The following LRRTM3 variants were observed in gnomAD, a reference collection of about 807,000 sequenced individuals.
LRRTM3 encodes leucine-rich repeat transmembrane neuronal protein 3.
A neutral mutation model predicts 44.7 loss-of-function variants in LRRTM3; 24 were observed. The ratio of observed to expected loss-of-function variants is 0.54; its 90% CI spans 0.39 to 0.76. The LOEUF is 0.76. Among genes scored for constraint, LRRTM3 ranks in the 30% least tolerant of loss-of-function variants. The pLI, the probability that LRRTM3 is intolerant of heterozygous loss-of-function variation, is 0.00. For synonymous variants in LRRTM3, 277 were observed against 278.7 expected (o/e 0.99, Z 0.06); for missense variants, 587 against 702.2 (o/e 0.84, Z 1.85).
chr10:66,998,536 G>A (rs942395536), intron 2 of LRRTM3, among the ~76,000 whole-genome samples: 1 of 151,888 alleles, frequency 6.6e-6, no homozygotes, highest in Non-Finnish European at 1.5e-5. Context: ...CAGAAAAGTT[G>A]AAAATAAAAA....
chr10:67,027,920 T>C (rs1354421236), intron 2 of LRRTM3, among the ~76,000 whole-genome samples: 1 of 152,190 alleles, frequency 6.6e-6, no homozygotes, highest in Non-Finnish European at 1.5e-5. Flanking sequence ...TCACTTTATA[T>C]TTGTATAGTA....
intron 2 of LRRTM3, among the ~76,000 whole-genome samples, chr10:67,001,971 A>G (rs549031013): frequency 6.6e-6 from 1 of 152,304 alleles, no homozygotes; most frequent in Non-Finnish European, 1.5e-5. Context: ...GAGGAAGCAG[A>G]GAGTGCAGAA....
At chr10:67,030,485 A>G (rs965544666) in intron 2 of LRRTM3, among the ~76,000 whole-genome samples, 12 of 152,122 alleles carry the variant, frequency 7.9e-5, no homozygotes, top group African/African-American at 2.9e-4. Context: ...ATATATTCAC[A>G]CCCACACAAA....
At chr10:66,967,227 A>T (rs887186684) in intron 2 of LRRTM3, among the ~76,000 whole-genome samples, 3 of 151,924 alleles carry the variant, frequency 2.0e-5, no homozygotes, top group African/African-American at 7.3e-5. Flanking sequence ...ATAAACCATG[A>T]CCTTCTATTT....
At chr10:67,018,951 T>C (rs1019501658) in intron 2 of LRRTM3, among the ~76,000 whole-genome samples, 4 of 152,210 alleles carry the variant, frequency 2.6e-5, no homozygotes, top group Admixed American at 6.5e-5. Context: ...CAAACTCTGA[T>C]TTTCAGTATC....
chr10:67,052,228 T>C (rs988287654), intron 2 of LRRTM3, among the ~76,000 whole-genome samples: 2 of 151,750 alleles, frequency 1.3e-5, no homozygotes, highest in African/African-American at 4.8e-5. Context: ...TCCGAGAAAA[T>C]TCTGACTGCA....
At chr10:67,031,596 G>A (rs114271977) in intron 2 of LRRTM3, among the ~76,000 whole-genome samples, 1,853 of 152,242 alleles carry the variant, frequency 0.012, 49 homozygotes, top group African/African-American at 0.043. Context: ...CAGCACTTTT[G>A]CAGAAGTCAG....
intron 2 of LRRTM3, among the ~76,000 whole-genome samples, chr10:66,974,811 T>A (rs1027088677): frequency 6.6e-6 from 1 of 152,202 alleles, no homozygotes; most frequent in Non-Finnish European, 1.5e-5. Flanking sequence ...TTTGTTTTTT[T>A]TTTTCTGAAG....
chr10:67,061,592 T>C (rs1855761175), intron 2 of LRRTM3, among the ~76,000 whole-genome samples: 2 of 152,182 alleles, frequency 1.3e-5, no homozygotes, highest in African/African-American at 2.4e-5. Context: ...GAAGGCTACC[T>C]GTGAATTGTA....
chr10:67,096,319 C>G (rs1857990294), intron 2 of LRRTM3, among the ~76,000 whole-genome samples: 1 of 151,550 alleles, frequency 6.6e-6, no homozygotes, highest in Non-Finnish European at 1.5e-5. Context: ...ACAGAAGTGG[C>G]AAAGACGGTT....
At chr10:66,931,749 G>T (rs1285146279) in intron 2 of LRRTM3, among the ~76,000 whole-genome samples, 1 of 152,062 alleles carries the variant, frequency 6.6e-6, no homozygotes, top group Non-Finnish European at 1.5e-5. Flanking sequence ...TTATAGTAAT[G>T]CTGGAACAGA....
intron 2 of LRRTM3, among the ~76,000 whole-genome samples, chr10:66,947,488 T>C (rs1326455324): frequency 1.3e-5 from 2 of 152,174 alleles, no homozygotes; most frequent in East Asian, 3.9e-4. Context: ...TGTTGTTATT[T>C]AAGCAACTGA....
intron 2 of LRRTM3, among the ~76,000 whole-genome samples, chr10:66,962,003 A>G (rs1314197124): frequency 1.3e-5 from 2 of 152,148 alleles, no homozygotes; most frequent in East Asian, 3.9e-4. Flanking sequence ...TAAGTCTCTC[A>G]TTTTACTAAC....
chr10:66,951,691 A>AT (rs1377360046), intron 2 of LRRTM3, among the ~76,000 whole-genome samples: 4 of 152,144 alleles, frequency 2.6e-5, no homozygotes, highest in African/African-American at 4.8e-5. Context: ...AATGTGATTT[A>AT]TTTTTTTCCC....
intron 2 of LRRTM3, among the ~76,000 whole-genome samples, chr10:67,042,238 T>C (rs1027854341): frequency 6.6e-6 from 1 of 152,040 alleles, no homozygotes; most frequent in African/African-American, 2.4e-5. Flanking sequence ...GGATGAGCAA[T>C]GGAAGCCTGA....
intron 2 of LRRTM3, among the ~76,000 whole-genome samples, chr10:66,943,673 G>T: frequency 6.6e-6 from 1 of 152,112 alleles, no homozygotes; most frequent in South Asian, 2.1e-4. Flanking sequence ...ACATAGTTTT[G>T]TACTTTTGTA....
At chr10:67,066,449 C>T (rs1168446043) in intron 2 of LRRTM3, among the ~76,000 whole-genome samples, 3 of 151,468 alleles carry the variant, frequency 2.0e-5, no homozygotes, top group Admixed American at 6.6e-5. Flanking sequence ...CCTTGGCCTC[C>T]CAAAGTGCTA....
chr10:67,059,458 C>T (rs932428915), intron 2 of LRRTM3, among the ~76,000 whole-genome samples: 3 of 152,096 alleles, frequency 2.0e-5, no homozygotes, highest in Non-Finnish European at 2.9e-5. Flanking sequence ...TTGTAAGAGA[C>T]ACTCGATGGC....
intron 2 of LRRTM3, among the ~76,000 whole-genome samples, chr10:67,060,733 G>T (rs1855710463): frequency 6.6e-6 from 1 of 152,228 alleles, no homozygotes; most frequent in East Asian, 1.9e-4. Flanking sequence ...AGATGATGTA[G>T]CTAGAAAACT....
Sources: gnomAD v4.1 joint callset for allele counts (sites outside exome capture counted in the v4.1 genomes callset) on GRCh38, gnomAD v4.1.1 for gene constraint, MANE v1.5 for transcripts, NCBI Gene and HGNC (gene_info 2026-07-23, HGNC 2026-07-21) for gene names.